The following NEMP2 variants were observed in gnomAD, a reference collection of about 807,000 sequenced individuals.
NEMP2 encodes the protein UPF0571 transmembrane protein.
A neutral mutation model predicts 54.2 loss-of-function variants in NEMP2; 53 were observed. The observed-to-expected ratio is 0.98, with a 90% CI of 0.78 to 1.23. The LOEUF is 1.23. NEMP2 is among the 50% of genes most tolerant of loss of function. The probability of loss-of-function intolerance (pLI) is 0.00; values close to 1 mark genes in which losing one functional copy is unlikely to be tolerated. For missense variants in NEMP2, 455 were observed against 511.3 expected, an observed-to-expected ratio of 0.89 and a Z score of 1.06; for synonymous variants, 197 against 190.3, an observed-to-expected ratio of 1.04 and a Z score of -0.29.
At chr2:190,456,540 C>T in the NEMP2 span, among the ~76,000 whole-genome samples, 2 of 152,194 alleles carry the variant, frequency 1.3e-5, no homozygotes, top group African/African-American at 4.8e-5. The surrounding 1 kb of genome is among the most constrained non-coding windows in gnomAD (Gnocchi z 5.4). Context: ...CTCTAGGAAC[C>T]TGCAGGGCTG....
chr2:190,438,927 GTGT>G, the NEMP2 span, among the ~76,000 whole-genome samples: 5 of 152,066 alleles, frequency 3.3e-5, no homozygotes, highest in South Asian at 1.0e-3. The surrounding 1 kb of genome is among the most constrained non-coding windows in gnomAD (Gnocchi z 5.2). Flanking sequence ...TCGGGAGGTG[GTGT>G]TCTGTTCCTT....
chr2:190,574,015 A>C, the NEMP2 span, among the ~76,000 whole-genome samples: 63,168 of 152,100 alleles, frequency 0.42, 14,408 homozygotes, highest in Non-Finnish European at 0.52. Context: ...TCATCCAGCT[A>C]GGAAGCTGCA....
the NEMP2 span, among the ~76,000 whole-genome samples, chr2:190,612,967 A>G: frequency 6.6e-6 from 1 of 152,206 alleles, no homozygotes; most frequent in South Asian, 2.1e-4. Context: ...TTAATTTAAT[A>G]TAACTTTGGA....
upstream of NEMP2, among the ~76,000 whole-genome samples, chr2:190,537,482 C>T (rs1234609232): frequency 6.6e-6 from 1 of 152,156 alleles, no homozygotes; most frequent in Non-Finnish European, 1.5e-5. Context: ...CTCCTGCTGC[C>T]TTGTGAAGAA....
the NEMP2 span, among the ~76,000 whole-genome samples, chr2:190,554,630 T>C: frequency 4.4e-4 from 67 of 152,236 alleles, no homozygotes; most frequent in African/African-American, 1.6e-3. This position sits in a 1 kb window ranked among gnomAD's most constrained non-coding sequence, Gnocchi z 5.7. Flanking sequence ...GGGCAGGGCA[T>C]CTCTGAAAAA....
Position 190,533,612 on chromosome 2 carries a change from C to A in NEMP2, c.97+947G>T, listed in dbSNP as rs1012393073. Among the ~76,000 whole-genome samples the A allele has an allele frequency of 2.0e-5, 3 of 152,130 alleles. No homozygotes were observed. Among genetic ancestry groups the A allele is most frequent in the African/African-American group, 7.2e-5 (3 of 41,424 alleles). ...ATGACCTCATCAACATCCAGTCTCTCATTCATCCTTAGATAAAAAACCGCG... is the reference window on the plus strand; with the variant it reads ...ATGACCTCATCAACATCCAGTCTCTAATTCATCCTTAGATAAAAAACCGCG... On this transcript the variant is annotated intron_variant, in intron 1 of 8. Coordinates refer to ENST00000409150, the MANE Select transcript of NEMP2 (RefSeq NM_001142645.2). The surrounding 1 kb of genome is among the most constrained non-coding windows in gnomAD (Gnocchi z 4.3).
At chr2:190,493,036 C>T in the NEMP2 span, among the ~76,000 whole-genome samples, 1 of 151,970 alleles carries the variant, frequency 6.6e-6, no homozygotes, top group East Asian at 1.9e-4. Context: ...CATTTCAATA[C>T]TAACATTGAA....
At chr2:190,469,040 G>C in the NEMP2 span, among the ~76,000 whole-genome samples, 1 of 152,060 alleles carries the variant, frequency 6.6e-6, no homozygotes, top group Admixed American at 6.6e-5. The surrounding 1 kb of genome is among the most constrained non-coding windows in gnomAD (Gnocchi z 5.3). Flanking sequence ...TCAGGCCTTT[G>C]CTTATTTTCT....
the NEMP2 span, among the ~76,000 whole-genome samples, chr2:190,483,055 C>A: frequency 6.6e-6 from 1 of 150,512 alleles, no homozygotes; most frequent in Admixed American, 6.6e-5. Context: ...CCGCGCCCGG[C>A]TAATTTTTTT....
chr2:190,448,981 G>A, the NEMP2 span, among the ~76,000 whole-genome samples: 1 of 152,162 alleles, frequency 6.6e-6, no homozygotes, highest in African/African-American at 2.4e-5. Flanking sequence ...CATAGTTATA[G>A]CTGTATATGT....
At chr2:190,611,557 T>C in the NEMP2 span, among the ~76,000 whole-genome samples, 2 of 152,194 alleles carry the variant, frequency 1.3e-5, no homozygotes, top group African/African-American at 4.8e-5. The surrounding 1 kb of genome is among the most constrained non-coding windows in gnomAD (Gnocchi z 5.4). Context: ...ACAGAAAAAC[T>C]GGATGATACC....
the NEMP2 span, among the ~76,000 whole-genome samples, chr2:190,601,055 C>T: frequency 3.3e-5 from 5 of 152,044 alleles, no homozygotes; most frequent in African/African-American, 4.8e-5. The surrounding 1 kb of genome is among the most constrained non-coding windows in gnomAD (Gnocchi z 5.8). Context: ...ACCCCTAGTA[C>T]CTCAAAATGT....
chr2:190,541,339 C>G, the NEMP2 span, among the ~76,000 whole-genome samples: 3,818 of 152,038 alleles, frequency 0.025, 88 homozygotes, highest in Non-Finnish European at 0.034. This position sits in a 1 kb window ranked among gnomAD's most constrained non-coding sequence, Gnocchi z 5.2. Context: ...TATTTGAAGT[C>G]TTTCTACTTT....
the NEMP2 span, among the ~76,000 whole-genome samples, chr2:190,472,649 T>C: frequency 6.6e-6 from 1 of 152,206 alleles, no homozygotes; most frequent in Non-Finnish European, 1.5e-5. Flanking sequence ...TGGAACCAAG[T>C]TGGAAAACAC....
rs1216090192 is a variant in NEMP2 at position 190,506,417 on chromosome 2, A to G, written c.*2772T>C. 1 of 152,210 alleles carries G rather than the reference A, an allele frequency of 6.6e-6. No individual in the cohort carries two copies. The highest frequency in any genetic ancestry group is 1.9e-4 in the East Asian group (1 of 5,204). 9.4% of individuals were successfully genotyped at this position (152,210 alleles called of 1,614,324 possible). A position where few individuals can be genotyped will look rare whatever the true frequency, so the allele number is the denominator to read the frequency against. On this transcript the variant is annotated 3_prime_UTR_variant, in exon 9 of 9. Transcript: ENST00000409150. The surrounding 1 kb of genome is among the most constrained non-coding windows in gnomAD (Gnocchi z 6.3). ...AATCACACATAGCATAATGTAAGAG[A>G]GCATTTCTTTAGTTGACATCATTTC...
chr2:190,551,083 C>CTTTTTTTTTTTTTTTTTTTTTT, the NEMP2 span, among the ~76,000 whole-genome samples: 1 of 140,244 alleles, frequency 7.1e-6, no homozygotes. Context: ...AGCCAATGGA[C>CTTTTTTTTTTTTTTTTTTTTTT]TTTTTTTTTT....
At chr2:190,500,261 T>A (rs1464024731), downstream of NEMP2, 2 of 1,607,000 alleles carry the variant, frequency 1.2e-6, no homozygotes, top group Non-Finnish European at 1.7e-6. This position sits in a 1 kb window ranked among gnomAD's most constrained non-coding sequence, Gnocchi z 5.3. Context: ...ATCAGGCTCC[T>A]CAGCCAGGAC....
In NEMP2 at chr2:190,528,624, C is replaced by T. The variant is rs1691031917; in HGVS notation, c.98-3246G>A. Among the ~76,000 whole-genome samples the T allele has an allele frequency of 6.6e-6, 1 of 152,166 alleles. No individual in the cohort carries two copies. ...GCTAGATGGGCTTTTCTTGTGGGTG[C>T]CTCCAAAGGTCCCTCACTGCAATTC... On this transcript the variant is annotated intron_variant, in intron 1 of 8. Coordinates refer to ENST00000409150, the MANE Select transcript of NEMP2 (RefSeq NM_001142645.2). The surrounding 1 kb of genome is among the most constrained non-coding windows in gnomAD (Gnocchi z 4.3).
the NEMP2 span, chr2:190,629,897 CAAAGAACTGTAACAGG>C: frequency 1.3e-5 from 2 of 152,210 alleles, no homozygotes; most frequent in African/African-American, 4.8e-5. Context: ...AGCATTTCTT[CAAAGAACTGTAACAGG>C]AAATAAAACA....
Sources: allele counts gnomAD v4.1 joint callset (sites outside exome capture counted in the v4.1 genomes callset), GRCh38; gene constraint gnomAD v4.1.1; non-coding constraint Gnocchi (gnomAD v3.1); transcripts MANE v1.5; gene names NCBI Gene and HGNC (gene_info 2026-07-23, HGNC 2026-07-21).